The following DOK6 variants were observed in gnomAD, a reference collection of about 807,000 sequenced individuals.
DOK6 encodes downstream of tyrosine kinase 6.
Under a neutral mutation model 44.0 loss-of-function variants are expected in DOK6, and 22 were observed. That is an observed-to-expected ratio of 0.50 (90% CI 0.36 to 0.71). The LOEUF (loss-of-function observed/expected upper bound fraction) is 0.71. Among genes scored for constraint, DOK6 ranks in the 30% least tolerant of loss-of-function variants. DOK6 has a pLI of 0.00. For synonymous variants in DOK6, 166 were observed against 145.5 expected (o/e 1.14, Z -1.01); for missense variants, 340 against 416.4 (o/e 0.82, Z 1.60).
At chr18:69,547,941 TAATATATATAA>T (rs1177671878) in intron 1 of DOK6, among the ~76,000 whole-genome samples, 1 of 140,872 alleles carries the variant, frequency 7.1e-6, no homozygotes, top group Non-Finnish European at 1.6e-5. Flanking sequence ...AATATATATA[TAATATATATAA>T]AATATATATA....
At chr18:69,424,536 T>G (rs1374445382) in intron 1 of DOK6, among the ~76,000 whole-genome samples, 1 of 152,212 alleles carries the variant, frequency 6.6e-6, no homozygotes, top group East Asian at 1.9e-4. Context: ...AGTTGTCTTA[T>G]GTTATAGCTT....
intron 1 of DOK6, among the ~76,000 whole-genome samples, chr18:69,516,254 T>A (rs889148674): frequency 6.6e-6 from 1 of 152,188 alleles, no homozygotes; most frequent in African/African-American, 2.4e-5. Flanking sequence ...TTTTTTAGAA[T>A]TTAAAATTAT....
intron 3 of DOK6, among the ~76,000 whole-genome samples, chr18:69,624,847 C>T (rs77133610): frequency 0.015 from 2,241 of 152,128 alleles, 43 homozygotes; most frequent in African/African-American, 0.051. Flanking sequence ...CTTTACGCTG[C>T]AGGAGTTACA....
intron 1 of DOK6, among the ~76,000 whole-genome samples, chr18:69,475,626 T>G (rs1055372053): frequency 6.6e-6 from 1 of 152,218 alleles, no homozygotes; most frequent in Non-Finnish European, 1.5e-5. Flanking sequence ...AGCTCTATTT[T>G]TACTGCCATC....
At chr18:69,627,956 C>T (rs1984597313) in intron 3 of DOK6, among the ~76,000 whole-genome samples, 1 of 152,156 alleles carries the variant, frequency 6.6e-6, no homozygotes, top group African/African-American at 2.4e-5. Flanking sequence ...CATAAAACTG[C>T]ATAAAATAGA....
intron 7 of DOK6, among the ~76,000 whole-genome samples, chr18:69,761,837 T>C (rs949716900): frequency 1.3e-5 from 2 of 152,086 alleles, no homozygotes; most frequent in African/African-American, 4.8e-5. Flanking sequence ...CCAAATATGT[T>C]AGCAGTGGCA....
At chr18:69,531,006 T>C (rs541517456) in intron 1 of DOK6, among the ~76,000 whole-genome samples, 2 of 152,244 alleles carry the variant, frequency 1.3e-5, no homozygotes, top group East Asian at 3.9e-4. Flanking sequence ...TTTACCATTA[T>C]GTAATGGCCT....
At chr18:69,786,097 AG>A (rs1168596013) in intron 7 of DOK6, among the ~76,000 whole-genome samples, 1 of 152,158 alleles carries the variant, frequency 6.6e-6, no homozygotes. Flanking sequence ...CTTATGAGGA[AG>A]GGGAAAAAAC....
intron 6 of DOK6, among the ~76,000 whole-genome samples, chr18:69,751,637 AAAAT>A (rs1223955375): frequency 6.6e-6 from 1 of 152,186 alleles, no homozygotes; most frequent in Non-Finnish European, 1.5e-5. Context: ...TTAAAAATGA[AAAAT>A]AAATTTTAAT....
rs139846385 is a variant in DOK6, at chr18:69,684,578, G to C, written c.409+6725G>C. Among the ~76,000 whole-genome samples the C allele has an allele frequency of 2.2e-4, 33 of 151,490 alleles. No homozygotes were observed. The East Asian group carries it at 6.2e-3, about 28-fold the overall frequency. The stretch of plus-strand genomic sequence containing the variant: ...CCAGGTATGTGCAACAAGATGAAAA[G>C]AGTGGCTTGAAAAGAAGAGTTTTAT... On this transcript the variant is annotated intron_variant, in intron 4 of 7. Transcript: ENST00000382713.
chr18:69,733,689 C>G (rs939744747), intron 5 of DOK6, among the ~76,000 whole-genome samples: 4 of 151,966 alleles, frequency 2.6e-5, no homozygotes, highest in African/African-American at 4.8e-5. Flanking sequence ...TTAGCATGCT[C>G]TACATATTAC....
rs981961904 is a variant in DOK6 at position 69,746,236 on chromosome 18, T to C, written c.738+7133T>C. ...ATTTTCAGACTTCCTGAAAGTATTT[T>C]GGTCCATACATGATTTTATTTATTT... On this transcript the variant is annotated intron_variant, in intron 6 of 7. Transcript: ENST00000382713. 2.9e-4 allele frequency among the ~76,000 whole-genome samples: 44 copies of C among 152,182 alleles called. 1 individual carries two copies. Among genetic ancestry groups the C allele is most frequent in the Admixed American group, 2.9e-3 (44 of 15,276 alleles).
At chr18:69,577,182 C>T (rs1329762428) in intron 2 of DOK6, among the ~76,000 whole-genome samples, 1 of 152,144 alleles carries the variant, frequency 6.6e-6, no homozygotes, top group East Asian at 1.9e-4. Context: ...TATAAATACA[C>T]TATTTCTTCA....
At chr18:69,611,456 G>C (rs1984136703) in intron 3 of DOK6, among the ~76,000 whole-genome samples, 1 of 151,172 alleles carries the variant, frequency 6.6e-6, no homozygotes, top group Non-Finnish European at 1.5e-5. Context: ...TACACTCTTA[G>C]GCATTTATCC....
At chr18:69,650,373 T>A (rs1056592727) in intron 3 of DOK6, among the ~76,000 whole-genome samples, 6 of 152,110 alleles carry the variant, frequency 3.9e-5, no homozygotes, top group African/African-American at 4.8e-5. Context: ...TAAGGTTCTG[T>A]TCTAGAGGAT....
intron 5 of DOK6, among the ~76,000 whole-genome samples, chr18:69,729,661 T>C (rs2144730338): frequency 6.6e-6 from 1 of 152,242 alleles, no homozygotes; most frequent in East Asian, 1.9e-4. Context: ...AACCAAAGAA[T>C]AGGAATTGGC....
intron 4 of DOK6, among the ~76,000 whole-genome samples, chr18:69,695,152 G>C (rs1485482192): frequency 1.3e-5 from 2 of 152,216 alleles, no homozygotes; most frequent in Non-Finnish European, 2.9e-5. Flanking sequence ...TTTAAAGTGA[G>C]TTTCACAAAT....
At chr18:69,732,934 C>T (rs1978462778) in intron 5 of DOK6, among the ~76,000 whole-genome samples, 1 of 152,214 alleles carries the variant, frequency 6.6e-6, no homozygotes, top group African/African-American at 2.4e-5. Flanking sequence ...TTTACTTGAC[C>T]CACAATTTTT....
rs1421472870 is a variant in DOK6 at position 69,476,470 on chromosome 18, TTGA to T, written c.66+75162_66+75164del. Among the ~76,000 whole-genome samples the T allele has an allele frequency of 1.7e-3, 258 of 152,288 alleles. 2 individuals carry two copies. The highest frequency in any genetic ancestry group is 0.013 in the East Asian group (66 of 5,172). Reference sequence around the variant, plus strand: ...CTTGGAAGGCACGGGTAATCGTCACTTGATCAGTCAGAGTTCCCGGAGGAAATC... The same window carrying T: ...CTTGGAAGGCACGGGTAATCGTCACTTCAGTCAGAGTTCCCGGAGGAAATC... On this transcript the variant is annotated intron_variant, in intron 1 of 7. Coordinates refer to ENST00000382713, the MANE Select transcript of DOK6 (RefSeq NM_152721.6).
Sources: gnomAD v4.1 joint callset for allele counts (sites outside exome capture counted in the v4.1 genomes callset) on GRCh38, gnomAD v4.1.1 for gene constraint, MANE v1.5 for transcripts, NCBI Gene and HGNC (gene_info 2026-07-23, HGNC 2026-07-21) for gene names.